The following MON2 variants were observed in gnomAD, a reference collection of about 807,000 sequenced individuals.
MON2 encodes MON2 regulator of endosome-to-Golgi trafficking.
MON2 carries 84 observed loss-of-function variants against 208.6 expected under a neutral mutation model. The ratio of observed to expected loss-of-function variants is 0.40; its 90% CI spans 0.34 to 0.48. The LOEUF is 0.48. Among genes scored for constraint, MON2 ranks in the 20% least tolerant of loss-of-function variants. The pLI is 0.59. For synonymous variants in MON2, 660 were observed against 694.0 expected (o/e 0.95, Z 0.77); for missense variants, 1,611 against 2,015.4 (o/e 0.80, Z 3.84).
intron 25 of MON2, among the ~76,000 whole-genome samples, chr12:62,558,963 G>A (rs1191247379): frequency 6.6e-6 from 1 of 152,128 alleles, no homozygotes; most frequent in African/African-American, 2.4e-5. Context: ...CTTCCAAAGT[G>A]CAGGGATTAC....
At chr12:62,505,960 T>G (rs998520060) in intron 7 of MON2, among the ~76,000 whole-genome samples, 1 of 151,978 alleles carries the variant, frequency 6.6e-6, no homozygotes, top group Non-Finnish European at 1.5e-5. Context: ...CTGGAAAATG[T>G]TTGCTTTGGC....
intron 34 of MON2, 43 bp downstream of exon 34, chr12:62,588,199 G>A (rs1352446409): frequency 1.1e-5 from 14 of 1,325,780 alleles, no homozygotes; most frequent in African/African-American, 1.5e-5. Flanking sequence ...TAACATTTAT[G>A]TTCTATTTGT....
At chr12:62,502,453 C>G (rs1340951852) in intron 7 of MON2, among the ~76,000 whole-genome samples, 1 of 150,684 alleles carries the variant, frequency 6.6e-6, no homozygotes, top group Non-Finnish European at 1.5e-5. Flanking sequence ...GAATTGTAGC[C>G]TCAAACTTTA....
chr12:62,537,764 G>A, intron 16 of MON2, 58 bp downstream of exon 16: 1 of 1,246,762 alleles, frequency 8.0e-7, no homozygotes, highest in South Asian at 1.3e-5. Context: ...ATTGCTAACA[G>A]TTAGACTAAG....
intron 25 of MON2, 40 bp downstream of exon 25, chr12:62,556,232 G>A (rs374123618): frequency 1.6e-5 from 26 of 1,575,870 alleles, no homozygotes; most frequent in Middle Eastern, 1.7e-4. Context: ...AGTAATTAAT[G>A]TTAAAAGAAA....
In MON2 at chr12:62,559,047, G is replaced by A. The variant is rs1416814752; in HGVS notation, c.3410-1444G>A. ...GGAGGGGAAAGATGCATATAACTAG[G>A]CAGGTGTTACAGTTTGTCCAGAGTA... On this transcript the variant is annotated intron_variant, in intron 25 of 34. Coordinates refer to ENST00000393630, the MANE Select transcript of MON2 (RefSeq NM_015026.3). Among the ~76,000 whole-genome samples, 4 of 152,152 alleles carry A rather than the reference G, an allele frequency of 2.6e-5. No individual in the cohort carries two copies. The East Asian group carries it at 7.7e-4, about 29-fold the overall frequency.
rs71882879 is a variant in MON2, at chr12:62,534,542, A to AATATATATATATAT, written c.1634-290_1634-277dup. Among the ~76,000 whole-genome samples, 136 of 22,730 alleles carry AATATATATATATAT rather than the reference A, an allele frequency of 6.0e-3. 1 individual carries two copies. The highest frequency in any genetic ancestry group is 0.026 in the Middle Eastern group (1 of 38). 14.9% of individuals were successfully genotyped at this position (22,730 alleles called of 152,430 possible). A position where few individuals can be genotyped will look rare whatever the true frequency, so the allele number is the denominator to read the frequency against. On this transcript the variant is annotated intron_variant, in intron 12 of 34. Transcript: ENST00000393630. ...GCAAAAAAAAAAAAAAAAAAAAAAA[A>AATATATATATATAT]ATATATATATATATATATATATATA...
Position 62,534,547 on chromosome 12 carries a change from A to ATATATATATTT in MON2, c.1634-289_1634-288insTTTATATATAT, listed in dbSNP as rs2072854951. 1.9e-4 allele frequency among the ~76,000 whole-genome samples: 7 copies of ATATATATATTT among 37,470 alleles called. 1 individual carries two copies. The highest frequency in any genetic ancestry group is 8.8e-4 in the African/African-American group (7 of 7,966). 24.6% of individuals were successfully genotyped at this position (37,470 alleles called of 152,430 possible). On this transcript the variant is annotated intron_variant, in intron 12 of 34. Coordinates refer to ENST00000393630, the MANE Select transcript of MON2 (RefSeq NM_015026.3). The stretch of plus-strand genomic sequence containing the variant: ...AAAAAAAAAAAAAAAAAAAAAATAT[A>ATATATATATTT]TATATATATATATATATATATTTTA...
chr12:62,538,090 T>C lies in MON2; in HGVS notation c.2119-6T>C. On this transcript the variant is annotated splice_polypyrimidine_tract_variant and splice_region_variant and intron_variant, in intron 16 of 34. Coordinates refer to ENST00000393630, the MANE Select transcript of MON2 (RefSeq NM_015026.3). ...TATTTGTTTTGATTTTTTTTTAATT[T>C]TACAGCATCTTGTGTGGATTCTGGG... is the stretch of plus-strand genomic sequence containing the variant. 1 of 1,607,380 alleles carries C rather than the reference T, an allele frequency of 6.2e-7. No homozygotes were observed. The highest frequency in any genetic ancestry group is 8.5e-7 in the Non-Finnish European group (1 of 1,177,682).
In MON2 at chr12:62,534,847, A is replaced by G. The variant is rs770826271; in HGVS notation, c.1636A>G (p.Ser546Gly). Reference sequence around the variant, plus strand: ...ATTGTATGTTTTTTTCCTTTAAGTTAGTAGGGCTGTTTGGGAAGAAATGGT... The same window carrying G: ...ATTGTATGTTTTTTTCCTTTAAGTTGGTAGGGCTGTTTGGGAAGAAATGGT... ...TSDQMDKEIV[S>G]RAVWEEMVNA... Residue 546 changes from serine to glycine, a missense_variant and splice_region_variant, in exon 13 of 35, where the codon AGT becomes GGT. Physicochemically the swap from Ser to Gly is moderately conservative, Grantham distance 56. Transcript: ENST00000393630. The G allele has an allele frequency of 2.5e-6, 4 of 1,608,564 alleles. No homozygotes were observed. Among genetic ancestry groups the G allele is most frequent in the Non-Finnish European group, 3.4e-6 (4 of 1,175,656 alleles).
intron 13 of MON2, among the ~76,000 whole-genome samples, chr12:62,535,155 A>G (rs1031723936): frequency 2.6e-5 from 4 of 152,314 alleles, no homozygotes; most frequent in African/African-American, 9.6e-5. Context: ...AAATTACAGA[A>G]TGCCTTTTTC....
chr12:62,582,017 A>T (rs553631234), intron 32 of MON2, among the ~76,000 whole-genome samples: 1 of 150,742 alleles, frequency 6.6e-6, no homozygotes, highest in African/African-American at 2.4e-5. Context: ...TTTCTAGCCC[A>T]AACAGTTTTT....
chr12:62,544,471 T>A (rs952593965), intron 20 of MON2, among the ~76,000 whole-genome samples: 3 of 151,822 alleles, frequency 2.0e-5, no homozygotes, highest in Non-Finnish European at 2.9e-5. Context: ...ATAAAATAAA[T>A]AAGAAAAACA....
chr12:62,596,867 C>G lies in MON2; in HGVS notation c.*4118C>G, dbSNP rs1308821808. On this transcript the variant is annotated 3_prime_UTR_variant, in exon 35 of 35. Coordinates refer to ENST00000393630, the MANE Select transcript of MON2 (RefSeq NM_015026.3). ...ATTTCAGAGGAAGTTAAATGTCTTA[C>G]AAATCCAATACTTTCTAATGCTCTA... 6.6e-6 allele frequency: 1 copy of G among 152,144 alleles called. No individual in the cohort carries two copies. The highest frequency in any genetic ancestry group is 1.5e-5 in the Non-Finnish European group (1 of 68,010). 9.4% of individuals were successfully genotyped at this position (152,144 alleles called of 1,614,324 possible).
intron 12 of MON2, among the ~76,000 whole-genome samples, 166 bp from the exon 13 acceptor site, chr12:62,534,679 A>C (rs1482143772): frequency 2.0e-5 from 3 of 148,078 alleles, no homozygotes; most frequent in African/African-American, 7.5e-5. Context: ...ACGGCTTCTG[A>C]GTTTTCGTTC....
At chr12:62,576,041 A>G (rs2074765375) in intron 30 of MON2, among the ~76,000 whole-genome samples, 1 of 152,214 alleles carries the variant, frequency 6.6e-6, no homozygotes, top group Non-Finnish European at 1.5e-5. Flanking sequence ...AATTGAATGT[A>G]ATATATTCAA....
chr12:62,553,905 T>C, intron 24 of MON2, among the ~76,000 whole-genome samples: 1 of 152,128 alleles, frequency 6.6e-6, no homozygotes. Context: ...ATTAATGGGC[T>C]GGGCATGGTG....
intron 8 of MON2, among the ~76,000 whole-genome samples, chr12:62,515,819 A>G (rs979301528): frequency 2.0e-5 from 3 of 147,118 alleles, no homozygotes; most frequent in East Asian, 3.9e-4. Context: ...CCGTCTCAGG[A>G]AAAAAAAAAA....
chr12:62,580,533 AT>A, intron 32 of MON2, 113 bp downstream of exon 32: 1 of 842,898 alleles, frequency 1.2e-6, no homozygotes. Context: ...TGGTAAGGTG[AT>A]TTTTAGGATT....
Sources: gnomAD v4.1 joint callset for allele counts (sites outside exome capture counted in the v4.1 genomes callset) on GRCh38, gnomAD v4.1.1 for gene constraint, MANE v1.5 for transcripts, NCBI Gene and HGNC (gene_info 2026-07-23, HGNC 2026-07-21) for gene names.